Variants in CSMD1 observed in about 807,000 individuals in gnomAD.
CSMD1 encodes the protein CUB and Sushi multiple domains 1.
Under a neutral mutation model 417.5 loss-of-function variants are expected in CSMD1, and 213 were observed. That is an observed-to-expected ratio of 0.51 (90% CI 0.46 to 0.57). The LOEUF (loss-of-function observed/expected upper bound fraction) is 0.57, where lower values mean the gene tolerates loss of function less well. Among genes scored for constraint, CSMD1 ranks in the 20% least tolerant of loss-of-function variants. CSMD1 has a pLI of 0.00. For synonymous variants in CSMD1, 2,862 were observed against 1,736.8 expected (o/e 1.65, Z -16.11); for missense variants, 6,923 against 4,529.7 (o/e 1.53, Z -15.17).
chr8:3,802,214 A>C (rs1800494089), intron 5 of CSMD1, among the ~76,000 whole-genome samples: 1 of 152,174 alleles, frequency 6.6e-6, no homozygotes, highest in Non-Finnish European at 1.5e-5. Flanking sequence ...ACACCTTGTA[A>C]ATTCTTAAAA....
intron 12 of CSMD1, among the ~76,000 whole-genome samples, chr8:3,456,450 C>A (rs556244311): frequency 3.3e-5 from 5 of 152,310 alleles, no homozygotes; most frequent in African/African-American, 1.2e-4. Context: ...ACCCCTTACT[C>A]TCCTATTTTC....
intron 5 of CSMD1, among the ~76,000 whole-genome samples, chr8:3,766,138 G>A (rs1282598226): frequency 2.0e-5 from 3 of 152,150 alleles, no homozygotes; most frequent in South Asian, 4.1e-4. Flanking sequence ...TGGCCCTGAT[G>A]GCATTTCTCT....
At chr8:3,681,642 C>T (rs572776576) in intron 7 of CSMD1, among the ~76,000 whole-genome samples, 1 of 152,256 alleles carries the variant, frequency 6.6e-6, no homozygotes, top group South Asian at 2.1e-4. Flanking sequence ...TCAATGCCAT[C>T]CCCATCAAGC....
At chr8:4,912,801 G>GA (rs965334285) in intron 1 of CSMD1, among the ~76,000 whole-genome samples, 4 of 151,344 alleles carry the variant, frequency 2.6e-5, no homozygotes, top group Non-Finnish European at 5.9e-5. Context: ...TTTTTGGAGG[G>GA]GGGGCACAGA....
At chr8:3,550,371 C>T (rs956826424) in intron 10 of CSMD1, among the ~76,000 whole-genome samples, 1 of 152,196 alleles carries the variant, frequency 6.6e-6, no homozygotes, top group African/African-American at 2.4e-5. Context: ...CCCGCCTGGA[C>T]CAATCTTCCT....
chr8:4,848,985 C>T (rs1801310349), intron 1 of CSMD1, among the ~76,000 whole-genome samples: 5 of 152,150 alleles, frequency 3.3e-5, no homozygotes, highest in Admixed American at 2.6e-4. Context: ...GCAGGTCCTT[C>T]AGGAAGTATT....
chr8:3,637,658 C>A (rs987185112), intron 7 of CSMD1, among the ~76,000 whole-genome samples: 2 of 152,146 alleles, frequency 1.3e-5, no homozygotes, highest in Non-Finnish European at 2.9e-5. Flanking sequence ...TCAATCCCCC[C>A]AACAATCATA....
chr8:4,216,708 G>C (rs1413635472), intron 3 of CSMD1, among the ~76,000 whole-genome samples: 2 of 152,138 alleles, frequency 1.3e-5, no homozygotes, highest in African/African-American at 2.4e-5. Flanking sequence ...AGTCATCTAG[G>C]AGGAGGGGGT....
chr8:3,767,668 C>A (rs1025678830), intron 5 of CSMD1, among the ~76,000 whole-genome samples: 1 of 152,116 alleles, frequency 6.6e-6, no homozygotes, highest in East Asian at 1.9e-4. Context: ...ATATGGTATA[C>A]AAGTAATACC....
intron 2 of CSMD1, among the ~76,000 whole-genome samples, chr8:4,421,265 G>A (rs750492855): frequency 1.3e-5 from 2 of 152,180 alleles, no homozygotes; most frequent in African/African-American, 4.8e-5. Flanking sequence ...ACAAAAAACA[G>A]TGAGTTTAAA....
At chr8:3,343,243 T>A (rs1807777211) in intron 23 of CSMD1, 51 bp downstream of exon 23, 3 of 1,497,882 alleles carry the variant, frequency 2.0e-6, no homozygotes, top group Admixed American at 3.5e-5. Context: ...AAGTATCAGA[T>A]ATGTCCTGAC....
chr8:4,721,776 T>C (rs1809070257), intron 1 of CSMD1, among the ~76,000 whole-genome samples: 1 of 152,138 alleles, frequency 6.6e-6, no homozygotes, highest in South Asian at 2.1e-4. Flanking sequence ...TGAGGTATCA[T>C]TCACAATAGC....
At chr8:3,689,111 C>T (rs534461886) in intron 7 of CSMD1, among the ~76,000 whole-genome samples, 1 of 152,284 alleles carries the variant, frequency 6.6e-6, no homozygotes, top group African/African-American at 2.4e-5. Flanking sequence ...AAAATAACAG[C>T]AACCAAACAA....
intron 5 of CSMD1, among the ~76,000 whole-genome samples, chr8:3,790,361 T>C (rs79061898): frequency 0.018 from 2,756 of 152,168 alleles, 79 homozygotes; most frequent in African/African-American, 0.06. Context: ...ATGGTGGTGA[T>C]AGTGACGGTG....
At chr8:3,556,417 A>ATATATATATT (rs1211477367) in intron 10 of CSMD1, among the ~76,000 whole-genome samples, 20 of 145,130 alleles carry the variant, frequency 1.4e-4, no homozygotes, top group Non-Finnish European at 2.7e-4. Context: ...ATATATATTC[A>ATATATATATT]CACACACAAA....
chr8:3,595,390 G>A (rs759446503), intron 8 of CSMD1, among the ~76,000 whole-genome samples: 1 of 152,114 alleles, frequency 6.6e-6, no homozygotes, highest in African/African-American at 2.4e-5. Flanking sequence ...TGTCTTTTCT[G>A]GGTCATTTTT....
intron 6 of CSMD1, among the ~76,000 whole-genome samples, chr8:3,728,639 A>C (rs1285394642): frequency 1.3e-5 from 2 of 152,220 alleles, no homozygotes; most frequent in African/African-American, 4.8e-5. Flanking sequence ...ATCCTGGAGC[A>C]GTCGTGTGGG....
intron 26 of CSMD1, among the ~76,000 whole-genome samples, chr8:3,251,247 G>A (rs1258356590): frequency 1.2e-4 from 18 of 152,182 alleles, no homozygotes; most frequent in Non-Finnish European, 2.5e-4. Context: ...TGTATAAGGT[G>A]TAAGGAAGGA....
intron 2 of CSMD1, among the ~76,000 whole-genome samples, chr8:4,603,268 C>A (rs1468296731): frequency 6.6e-6 from 1 of 151,944 alleles, no homozygotes; most frequent in Non-Finnish European, 1.5e-5. Context: ...TTTTCATACT[C>A]CTTTAATTTT....
Sources: allele counts gnomAD v4.1 joint callset (sites outside exome capture counted in the v4.1 genomes callset), GRCh38; gene constraint gnomAD v4.1.1; transcripts MANE v1.5; gene names NCBI Gene and HGNC (gene_info 2026-07-23, HGNC 2026-07-21).